LMO7: variants seen among roughly 807,000 people sequenced by gnomAD.
LMO7 encodes the protein LIM domain 7.
Under a neutral mutation model 206.5 loss-of-function variants are expected in LMO7, and 120 were observed. The observed-to-expected ratio is 0.58, with a 90% CI of 0.50 to 0.68. LMO7 has a LOEUF of 0.68. Ranked by LOEUF, LMO7 falls within the 30% of genes least tolerant of loss-of-function variation. LMO7 has a pLI of 0.00. For missense variants in LMO7, 1,959 were observed against 1,957.9 expected (o/e 1.00, Z -0.01); for synonymous variants, 706 against 681.5 (o/e 1.04, Z -0.56).
intron 1 of LMO7, among the ~76,000 whole-genome samples, chr13:75,694,735 T>C (rs2041777098): frequency 6.6e-6 from 1 of 152,098 alleles, no homozygotes; most frequent in African/African-American, 2.4e-5. Context: ...TCTGTTTACA[T>C]GCTGGGAATG....
chr13:75,771,162 T>A (rs527731), intron 4 of LMO7, among the ~76,000 whole-genome samples: 106,138 of 151,938 alleles, frequency 0.7, 37,526 homozygotes, highest in East Asian at 0.92. Flanking sequence ...TGAACTAAGT[T>A]ACTTTGAGTG....
At chr13:75,811,613 A>G (rs1302374785) in intron 11 of LMO7, among the ~76,000 whole-genome samples, 5 of 152,218 alleles carry the variant, frequency 3.3e-5, no homozygotes, top group African/African-American at 7.2e-5. Flanking sequence ...TATCTTTTGA[A>G]GTCTGAGACT....
intron 4 of LMO7, among the ~76,000 whole-genome samples, chr13:75,788,486 T>C (rs976918902): frequency 7.4e-5 from 11 of 148,410 alleles, no homozygotes; most frequent in African/African-American, 2.7e-4. Context: ...CACTGCTCTG[T>C]CCTCAGAAGA....
rs78174524 is a variant in LMO7, at chr13:75,807,577, A to T, written c.1294A>T (p.Ile432Leu). 8.3e-3 allele frequency: 13,350 copies of T among 1,614,010 alleles called. 71 individuals carry two copies. Among genetic ancestry groups the T allele is most frequent in the Non-Finnish European group, 0.01 (11,989 of 1,179,880 alleles). ...TGATCCCACTTCTGGCCCAAGGCTC[A>T]TAACCCGCAGGAAGAATCTCTCTTA... ...KIDPTSGPRL[I>L]TRRKNLSYAP... Residue 432 changes from isoleucine to leucine, a missense_variant, in exon 10 of 31, where the codon ATA becomes TTA. Physicochemically the swap from Ile to Leu is conservative, Grantham distance 5. Coordinates refer to ENST00000377534, the MANE Select transcript of LMO7 (RefSeq NM_001306080.2).
intron 3 of LMO7, among the ~76,000 whole-genome samples, chr13:75,735,593 C>A (rs1458089883): frequency 3.3e-5 from 5 of 151,434 alleles, no homozygotes; most frequent in Admixed American, 6.6e-5. Context: ...TCCTGAGTAG[C>A]TGGGACTACA....
At chr13:75,815,193 G>C (rs1198821000) in intron 11 of LMO7, among the ~76,000 whole-genome samples, 1 of 152,122 alleles carries the variant, frequency 6.6e-6, no homozygotes, top group Non-Finnish European at 1.5e-5. Context: ...GTAATAATCT[G>C]GGTAGGAGAT....
At chr13:75,850,332 C>A (rs2060390435) in intron 27 of LMO7, among the ~76,000 whole-genome samples, 1 of 152,108 alleles carries the variant, frequency 6.6e-6, no homozygotes, top group African/African-American at 2.4e-5. Flanking sequence ...GACAGTTTTT[C>A]AGTATGTATT....
At chr13:75,786,182 A>G (rs2052388241) in intron 4 of LMO7, among the ~76,000 whole-genome samples, 1 of 152,184 alleles carries the variant, frequency 6.6e-6, no homozygotes, top group South Asian at 2.1e-4. Context: ...GTTAAAGGAC[A>G]CAATGTAGAA....
chr13:75,718,632 A>T (rs1415184128), intron 2 of LMO7, among the ~76,000 whole-genome samples: 1 of 152,078 alleles, frequency 6.6e-6, no homozygotes, highest in Non-Finnish European at 1.5e-5. Context: ...ATGGACCTAC[A>T]TTGACACATC....
At chr13:75,696,666 C>A (rs2041923955) in intron 1 of LMO7, among the ~76,000 whole-genome samples, 1 of 152,104 alleles carries the variant, frequency 6.6e-6, no homozygotes, top group African/African-American at 2.4e-5. Flanking sequence ...GGCTTGGGAC[C>A]ATTATTTGCC....
intron 4 of LMO7, among the ~76,000 whole-genome samples, chr13:75,783,257 C>T (rs935784589): frequency 6.6e-6 from 1 of 152,218 alleles, no homozygotes; most frequent in Non-Finnish European, 1.5e-5. Context: ...GCAGGGTCAT[C>T]TAAGTTGGTT....
chr13:75,686,408 A>G (rs141547326), intron 1 of LMO7, among the ~76,000 whole-genome samples: 1 of 152,004 alleles, frequency 6.6e-6, no homozygotes, highest in South Asian at 2.1e-4. Context: ...TCCCCACATG[A>G]TTCAATTATC....
chr13:75,824,902 T>TTTA (rs1281884205), intron 15 of LMO7, among the ~76,000 whole-genome samples: 1 of 152,250 alleles, frequency 6.6e-6, no homozygotes, highest in African/African-American at 2.4e-5. Context: ...GCATTGCATA[T>TTTA]TTATTATTAT....
intron 1 of LMO7, among the ~76,000 whole-genome samples, chr13:75,671,775 G>A (rs1398323661): frequency 6.6e-6 from 1 of 152,148 alleles, no homozygotes; most frequent in Non-Finnish European, 1.5e-5. Context: ...CTTCTCAGGT[G>A]CTTTGCCAAG....
At position 75,841,203 on chromosome 13, in the gene LMO7, T is replaced by C; in HGVS notation, c.3675+2T>C. 6.3e-7 allele frequency: 1 copy of C among 1,594,828 alleles called. No homozygotes were observed. Among genetic ancestry groups the C allele is most frequent in the Non-Finnish European group, 8.6e-7 (1 of 1,163,112 alleles). On this transcript the variant is annotated splice_donor_variant, in intron 23 of 30. Transcript: ENST00000377534. LOFTEE classifies it high-confidence loss of function. ...GAGAATTCCAAGTACTTGGATGAGG[T>C]AGTGTTAGAACATGCCTGTTTAGTT...
chr13:75,780,353 G>T (rs1249255319), intron 4 of LMO7, among the ~76,000 whole-genome samples: 1 of 152,112 alleles, frequency 6.6e-6, no homozygotes, highest in Non-Finnish European at 1.5e-5. Flanking sequence ...CCTCCCCCTG[G>T]GAGTGCATTC....
At chr13:75,635,604 T>A (rs1325109988), upstream of LMO7, among the ~76,000 whole-genome samples, 2 of 151,756 alleles carry the variant, frequency 1.3e-5, no homozygotes, top group African/African-American at 4.8e-5. Context: ...GGGCGGGAAG[T>A]GGGGAATGCA....
chr13:75,832,955 C>A, intron 15 of LMO7, 96 bp from the exon 16 acceptor site: 1 of 649,546 alleles, frequency 1.5e-6, no homozygotes. Context: ...TGATTCAAGT[C>A]TACCTAGCGT....
At chr13:75,717,370 A>G (rs1391491716) in intron 2 of LMO7, among the ~76,000 whole-genome samples, 2 of 150,238 alleles carry the variant, frequency 1.3e-5, no homozygotes, top group African/African-American at 2.4e-5. Context: ...CTCAAAAAAA[A>G]AAAAAAAAAA....
Sources: gnomAD v4.1 joint callset for allele counts (sites outside exome capture counted in the v4.1 genomes callset) on GRCh38, gnomAD v4.1.1 for gene constraint, MANE v1.5 for transcripts, NCBI Gene and HGNC (gene_info 2026-07-23, HGNC 2026-07-21) for gene names.